CERK: variants seen among roughly 807,000 people sequenced by gnomAD.
The protein encoded by CERK is ceramide kinase.
CERK carries 39 observed loss-of-function variants against 63.4 expected under a neutral mutation model. The observed-to-expected ratio is 0.61, with a 90% CI of 0.48 to 0.80. The LOEUF is 0.80. CERK is among the 30% of genes least tolerant of loss of function. The pLI, the probability that CERK is intolerant of heterozygous loss-of-function variation, is 0.00. For synonymous variants in CERK, 302 were observed against 280.0 expected (o/e 1.08, Z -0.78); for missense variants, 670 against 714.1 (o/e 0.94, Z 0.70).
chr22:46,727,575 G>A (rs917418925), intron 1 of CERK, among the ~76,000 whole-genome samples: 15 of 152,012 alleles, frequency 9.9e-5, no homozygotes, highest in Admixed American at 3.9e-4. Flanking sequence ...GATTACAGGC[G>A]TGAGCCACTG....
At chr22:46,708,676 T>G (rs1601718475) in intron 5 of CERK, among the ~76,000 whole-genome samples, 1 of 151,968 alleles carries the variant, frequency 6.6e-6, no homozygotes, top group South Asian at 2.1e-4. Context: ...ATGCCGGGGG[T>G]AACCCACAGG....
rs773302439 is a variant in CERK at position 46,693,466 on chromosome 22, C to T, written c.1087G>A (p.Glu363Lys). The T allele has an allele frequency of 6.2e-7, 1 of 1,614,210 alleles. No homozygotes were observed. Residue 363 changes from glutamate to lysine, a missense_variant, in exon 10 of 13, where the codon GAG (glutamate) becomes AAG (lysine). Coordinates refer to ENST00000216264, the MANE Select transcript of CERK (RefSeq NM_022766.6). Reference protein sequence around the residue: ...VCRQSKQQLEEEQKKALYGLE... With the variant: ...VCRQSKQQLEKEQKKALYGLE... ...CCATACAGTGCTTTCTTCTGCTCCT[C>T]CTCCAGCTGCTGCTTGCTTTGCCTG...
chr22:46,704,057 C>G (rs16995604), intron 6 of CERK, among the ~76,000 whole-genome samples: 7,410 of 152,332 alleles, frequency 0.049, 198 homozygotes, highest in Middle Eastern at 0.095. Flanking sequence ...TGCTACAATG[C>G]GCACCCACCC....
At chr22:46,725,032 A>AG (rs757141485) in intron 1 of CERK, among the ~76,000 whole-genome samples, 27 of 151,734 alleles carry the variant, frequency 1.8e-4, no homozygotes, top group Non-Finnish European at 2.7e-4. Flanking sequence ...CAAAAAAAAA[A>AG]GAAAAAGAAG....
At chr22:46,708,395 CA>C (rs2082824333) in intron 5 of CERK, among the ~76,000 whole-genome samples, 1 of 152,246 alleles carries the variant, frequency 6.6e-6, no homozygotes, top group Non-Finnish European at 1.5e-5. Flanking sequence ...GCGGGAGAGG[CA>C]CAGCAGTCTG....
At chr22:46,719,986 C>T in intron 3 of CERK, 100 bp downstream of exon 3, 1 of 1,490,796 alleles carries the variant, frequency 6.7e-7, no homozygotes, top group Non-Finnish European at 9.1e-7. Context: ...TGGGGTATGG[C>T]CAGCTGCACG....
intron 1 of CERK, among the ~76,000 whole-genome samples, chr22:46,737,708 C>A (rs2082982069): frequency 6.6e-6 from 1 of 152,172 alleles, no homozygotes; most frequent in South Asian, 2.1e-4. Context: ...CAGACCGCAC[C>A]GGGGGCCACG....
chr22:46,713,056 GA>G (rs2082849552), intron 3 of CERK, among the ~76,000 whole-genome samples: 2 of 151,100 alleles, frequency 1.3e-5, no homozygotes, highest in African/African-American at 4.9e-5. Flanking sequence ...GTGTTAGCCA[GA>G]GTCACCCCCA....
chr22:46,722,556 CTT>C (rs556829995), intron 1 of CERK, among the ~76,000 whole-genome samples: 9,152 of 125,388 alleles, frequency 0.073, 315 homozygotes, highest in African/African-American at 0.11. Flanking sequence ...GGCCTCCCAT[CTT>C]TTTTTTTTTT....
intron 1 of CERK, among the ~76,000 whole-genome samples, chr22:46,721,553 G>A (rs1166428944): frequency 6.6e-6 from 1 of 152,154 alleles, no homozygotes; most frequent in African/African-American, 2.4e-5. Flanking sequence ...CCAAATGGAG[G>A]CTGTGATTTT....
intron 1 of CERK, among the ~76,000 whole-genome samples, chr22:46,731,302 G>A (rs749799758): frequency 3.3e-5 from 5 of 152,238 alleles, no homozygotes; most frequent in South Asian, 4.1e-4. Flanking sequence ...CTCCACCCAC[G>A]TGCTGTTAGG....
At chr22:46,701,940 A>G (rs1253098085) in intron 6 of CERK, among the ~76,000 whole-genome samples, 2 of 152,122 alleles carry the variant, frequency 1.3e-5, no homozygotes, top group East Asian at 1.9e-4. Flanking sequence ...CAGCACTTTG[A>G]GAGGCCGAGG....
chr22:46,716,230 G>A (rs138910958), intron 3 of CERK, among the ~76,000 whole-genome samples: 1,833 of 145,384 alleles, frequency 0.013, 40 homozygotes, highest in African/African-American at 0.045. Context: ...TTGCTCTTTC[G>A]CCCAGGCTGG....
At position 46,687,136 on chromosome 22, in the gene CERK, A is replaced by G; in HGVS notation, c.1612T>C (p.Ter538ArgextTer16). 1 of 1,614,134 alleles carries G rather than the reference A, an allele frequency of 6.2e-7. No homozygotes were observed. Among genetic ancestry groups the G allele is most frequent in the South Asian group, 1.1e-5 (1 of 91,084 alleles). ...TTTGTGAGCAGGACGCCGGCTTCTCAGCTGTGTGAGTCTGGCTTCGGATTC... is the reference window on the plus strand; with the variant it reads ...TTTGTGAGCAGGACGCCGGCTTCTCGGCTGTGTGAGTCTGGCTTCGGATTC... ...EENPKPDSHS[*>R] Residue 538 changes from the stop codon to arginine (R), a stop_lost, in exon 13 of 13, where the codon TGA becomes CGA. Coordinates refer to ENST00000216264, the MANE Select transcript of CERK (RefSeq NM_022766.6).
intron 8 of CERK, among the ~76,000 whole-genome samples, chr22:46,698,665 C>T (rs2082768086): frequency 1.3e-5 from 2 of 151,662 alleles, no homozygotes; most frequent in Admixed American, 1.3e-4. Flanking sequence ...CCGAGGTGGG[C>T]AGATTGCTTG....
chr22:46,734,050 TTATATATACATACATACA>T (rs2082959560), intron 1 of CERK, among the ~76,000 whole-genome samples: 2 of 134,400 alleles, frequency 1.5e-5, no homozygotes, highest in African/African-American at 5.6e-5. Flanking sequence ...ATAAAATATG[TTATATATACATACATACA>T]TATATATATA....
intron 6 of CERK, among the ~76,000 whole-genome samples, chr22:46,706,711 A>T (rs2082814593): frequency 6.6e-6 from 1 of 152,196 alleles, no homozygotes; most frequent in Non-Finnish European, 1.5e-5. Context: ...ACTTAAAACC[A>T]TGACCATGGT....
Position 46,687,055 on chromosome 22 carries a change from A to G in CERK, c.*79T>C. 5.4e-6 allele frequency: 6 copies of G among 1,104,776 alleles called. No individual in the cohort carries two copies. The highest frequency in any genetic ancestry group is 6.8e-6 in the Non-Finnish European group (5 of 733,948). The allele number at this position is 1,104,776 out of a possible 1,614,324, so 68.4% of individuals were successfully genotyped here. ...AATAAATTTCTACATTTAAATGTAT[A>G]TATCAACATAATTGGTCTGTAATAA... On this transcript the variant is annotated 3_prime_UTR_variant, in exon 13 of 13. Transcript: ENST00000216264.
chr22:46,704,320 A>T (rs995510341), intron 6 of CERK, among the ~76,000 whole-genome samples: 48 of 152,366 alleles, frequency 3.2e-4, no homozygotes, highest in African/African-American at 1.1e-3. Context: ...TTTAGGGCTT[A>T]GCACTGCCAC....
Sources: gnomAD v4.1 joint callset for allele counts (sites outside exome capture counted in the v4.1 genomes callset) on GRCh38, gnomAD v4.1.1 for gene constraint, MANE v1.5 for transcripts, NCBI Gene and HGNC (gene_info 2026-07-23, HGNC 2026-07-21) for gene names.